NEGR1: variants seen among roughly 807,000 people sequenced by gnomAD.
NEGR1 encodes the protein IgLON family member 4.
Under a neutral mutation model 40.9 loss-of-function variants are expected in NEGR1, and 10 were observed. The ratio of observed to expected loss-of-function variants is 0.24; its 90% CI spans 0.15 to 0.42. The LOEUF is 0.42. Among genes scored for constraint, NEGR1 ranks in the 10% least tolerant of loss-of-function variants. NEGR1 has a pLI of 1.00. For missense variants in NEGR1, 352 were observed against 438.9 expected (o/e 0.80, Z 1.77); for synonymous variants, 185 against 166.8 (o/e 1.11, Z -0.84).
intron 1 of NEGR1, among the ~76,000 whole-genome samples, chr1:71,969,894 A>AT (rs566497899): frequency 2.6e-4 from 39 of 151,994 alleles, no homozygotes; most frequent in African/African-American, 6.8e-4. Flanking sequence ...TTCTGGCTTC[A>AT]TTTTTTTTCT....
At chr1:72,148,390 A>G (rs1650991410) in intron 1 of NEGR1, among the ~76,000 whole-genome samples, 1 of 151,952 alleles carries the variant, frequency 6.6e-6, no homozygotes, top group African/African-American at 2.4e-5. Context: ...GCTGGGACCT[A>G]GGGGTCTAAG....
At chr1:71,836,336 G>C (rs1659027205) in intron 2 of NEGR1, among the ~76,000 whole-genome samples, 1 of 151,220 alleles carries the variant, frequency 6.6e-6, no homozygotes, top group African/African-American at 2.4e-5. Flanking sequence ...CCTGTAGACA[G>C]AATTGCTGCT....
At chr1:72,233,279 A>T (rs891808095) in intron 1 of NEGR1, among the ~76,000 whole-genome samples, 1 of 152,140 alleles carries the variant, frequency 6.6e-6, no homozygotes, top group African/African-American at 2.4e-5. Context: ...AACTTTATTA[A>T]TTTTTTAAAT....
intron 6 of NEGR1, among the ~76,000 whole-genome samples, chr1:71,590,326 C>A (rs1404008728): frequency 6.6e-6 from 1 of 152,098 alleles, no homozygotes; most frequent in African/African-American, 2.4e-5. Context: ...ATTGGCTACT[C>A]TAGATAAAAG....
intron 1 of NEGR1, among the ~76,000 whole-genome samples, chr1:71,948,374 C>G (rs1344895855): frequency 6.6e-6 from 1 of 151,572 alleles, no homozygotes; most frequent in Admixed American, 6.6e-5. Flanking sequence ...TGTTTGTAGT[C>G]TAGGGTTTCT....
At chr1:72,049,991 T>A (rs1308298659) in intron 1 of NEGR1, among the ~76,000 whole-genome samples, 2 of 151,580 alleles carry the variant, frequency 1.3e-5, no homozygotes, top group Non-Finnish European at 3.0e-5. Flanking sequence ...TGATTTGTAG[T>A]TGAAGTATTT....
intron 1 of NEGR1, among the ~76,000 whole-genome samples, chr1:72,011,183 C>T (rs1416666780): frequency 6.6e-6 from 1 of 152,060 alleles, no homozygotes; most frequent in Non-Finnish European, 1.5e-5. Flanking sequence ...GATGAACATT[C>T]TGAGACTCTA....
At chr1:71,942,487 T>A (rs373943265) in intron 1 of NEGR1, among the ~76,000 whole-genome samples, 782 of 6,234 alleles carry the variant, frequency 0.13, no homozygotes, top group South Asian at 0.15. Context: ...ATATATATTT[T>A]TTTTTTTTTT....
rs549211931 is a variant in NEGR1 at position 71,773,539 on chromosome 1, A to G, written c.535+2633T>C. Among the ~76,000 whole-genome samples the G allele has an allele frequency of 2.1e-3, 317 of 152,290 alleles. 1 individual carries two copies. The highest frequency in any genetic ancestry group is 7.4e-3 in the African/African-American group (306 of 41,580). On this transcript the variant is annotated intron_variant, in intron 3 of 6. Transcript: ENST00000357731. ...TAAATATAAATTAATAAGTCAAAAA[A>G]GCTAATAGAATTATCGGACATGTTC...
chr1:71,804,735 G>A (rs528305983), intron 2 of NEGR1, among the ~76,000 whole-genome samples: 4 of 152,090 alleles, frequency 2.6e-5, no homozygotes, highest in African/African-American at 4.8e-5. Context: ...GTTGCCTCAG[G>A]ACCCTGTGAT....
chr1:71,769,931 C>T (rs1311873851), intron 3 of NEGR1, among the ~76,000 whole-genome samples: 6 of 152,076 alleles, frequency 3.9e-5, no homozygotes, highest in African/African-American at 1.4e-4. Flanking sequence ...TTGTTACTGC[C>T]ATTTTGTATT....
At chr1:72,145,527 T>A (rs1271952874) in intron 1 of NEGR1, among the ~76,000 whole-genome samples, 2 of 152,164 alleles carry the variant, frequency 1.3e-5, no homozygotes, top group South Asian at 4.1e-4. Flanking sequence ...TGAATGTGCA[T>A]GCATCTTGCT....
intron 1 of NEGR1, among the ~76,000 whole-genome samples, chr1:71,997,165 A>T (rs1473178602): frequency 6.6e-6 from 1 of 152,100 alleles, no homozygotes; most frequent in Non-Finnish European, 1.5e-5. Context: ...TTCAAAATTC[A>T]ACATGACTAA....
rs1159419705 is a variant in NEGR1, at chr1:71,928,109, TACACATATGTATATATAC to T, written c.409+6952_409+6969del. Among the ~76,000 whole-genome samples the T allele has an allele frequency of 2.0e-5, 2 of 97,798 alleles. 1 individual carries two copies. Among genetic ancestry groups the T allele is most frequent in the Non-Finnish European group, 3.8e-5 (2 of 52,566 alleles). 64.2% of individuals were successfully genotyped at this position (97,798 alleles called of 152,430 possible). A position where few individuals can be genotyped will look rare whatever the true frequency, so the allele number is the denominator to read the frequency against. On this transcript the variant is annotated intron_variant, in intron 2 of 6. Transcript: ENST00000357731. Reference sequence around the variant, plus strand: ...GTATATATACACACATATGTATATATACACATATGTATATATACACACATATGTATATATACACACATA... The same window carrying T: ...GTATATATACACACATATGTATATATACACATATGTATATATACACACATA...
chr1:72,222,655 G>C (rs570325784), intron 1 of NEGR1, among the ~76,000 whole-genome samples: 67 of 152,218 alleles, frequency 4.4e-4, no homozygotes, highest in African/African-American at 1.6e-3. Context: ...TATGTTAATG[G>C]TGGTTAGGTT....
chr1:71,840,124 T>C (rs1330143294), intron 2 of NEGR1, among the ~76,000 whole-genome samples: 4 of 152,150 alleles, frequency 2.6e-5, no homozygotes, highest in African/African-American at 9.6e-5. Flanking sequence ...AGTGCTTGCT[T>C]TACAGGACTA....
At chr1:72,217,974 GTAATT>G (rs1393750917) in intron 1 of NEGR1, among the ~76,000 whole-genome samples, 1 of 151,690 alleles carries the variant, frequency 6.6e-6, no homozygotes, top group Non-Finnish European at 1.5e-5. Flanking sequence ...ATTTAGCTGA[GTAATT>G]TATAGTTTTA....
chr1:71,691,540 A>C (rs1570215393), intron 4 of NEGR1, among the ~76,000 whole-genome samples: 1 of 151,894 alleles, frequency 6.6e-6, no homozygotes, highest in African/African-American at 2.4e-5. Flanking sequence ...CCATGAAAAA[A>C]ACAGAAATCT....
chr1:71,858,052 T>C (rs1229997509), intron 2 of NEGR1, among the ~76,000 whole-genome samples: 1 of 152,078 alleles, frequency 6.6e-6, no homozygotes, highest in African/African-American at 2.4e-5. Context: ...TTCACTTTCT[T>C]CTACCCTAAT....
Sources: gnomAD v4.1 joint callset for allele counts (sites outside exome capture counted in the v4.1 genomes callset) on GRCh38, gnomAD v4.1.1 for gene constraint, MANE v1.5 for transcripts, NCBI Gene and HGNC (gene_info 2026-07-23, HGNC 2026-07-21) for gene names.